SNX18: variants seen among roughly 807,000 people sequenced by gnomAD.
The protein encoded by SNX18 is sorting nexin 18, also known as sorting nexin-18.
SNX18 carries 35 observed loss-of-function variants against 48.7 expected under a neutral mutation model. The ratio of observed to expected loss-of-function variants is 0.72; its 90% CI spans 0.55 to 0.95. The LOEUF (loss-of-function observed/expected upper bound fraction) is 0.95. Among genes scored for constraint, SNX18 ranks in the 40% least tolerant of loss-of-function variants. The probability of loss-of-function intolerance (pLI) is 0.00; values close to 1 mark genes in which losing one functional copy is unlikely to be tolerated. For missense variants in SNX18, 824 were observed against 871.0 expected, an observed-to-expected ratio of 0.95 and a Z score of 0.68; for synonymous variants, 492 against 384.7, an observed-to-expected ratio of 1.28 and a Z score of -3.26.
the SNX18 span, chr5:54,645,316 A>C: frequency 1.3e-5 from 2 of 152,344 alleles, no homozygotes; most frequent in African/African-American, 4.8e-5. Context: ...TCTAGACTCC[A>C]TGGTCTAACA....
the SNX18 span, among the ~76,000 whole-genome samples, chr5:54,594,741 T>C: frequency 6.6e-6 from 1 of 152,310 alleles, no homozygotes; most frequent in South Asian, 2.1e-4. Context: ...GGGTATTACG[T>C]GATGCTAAGT....
chr5:54,596,238 T>TAGTCC, the SNX18 span, among the ~76,000 whole-genome samples: 142,964 of 152,010 alleles, frequency 0.94, 67,428 homozygotes, highest in South Asian at 0.98. Flanking sequence ...TCTTATGATG[T>TAGTCC]TATTTGAAAA....
chr5:54,543,095 C>A, intron 1 of SNX18, 84 bp from the exon 2 acceptor site: 1 of 1,360,072 alleles, frequency 7.4e-7, no homozygotes, highest in Non-Finnish European at 9.9e-7. Flanking sequence ...ATTTATAATG[C>A]CCAAGATTCT....
intron 1 of SNX18, among the ~76,000 whole-genome samples, chr5:54,524,268 GGT>G (rs1326128284): frequency 6.6e-6 from 1 of 152,106 alleles, no homozygotes; most frequent in Non-Finnish European, 1.5e-5. Flanking sequence ...CACGAAACTG[GGT>G]GTGGGCACCG....
chr5:54,622,377 T>C, the SNX18 span, among the ~76,000 whole-genome samples: 1 of 151,962 alleles, frequency 6.6e-6, no homozygotes, highest in Non-Finnish European at 1.5e-5. Context: ...CATGCACCTG[T>C]AGTCCCAGCT....
chr5:54,567,230 CGTGT>C, the SNX18 span, among the ~76,000 whole-genome samples: 1 of 149,958 alleles, frequency 6.7e-6, no homozygotes, highest in Non-Finnish European at 1.5e-5. Context: ...TGTGTGTGTG[CGTGT>C]GTGTGTGGAG....
At chr5:54,632,994 C>T in the SNX18 span, among the ~76,000 whole-genome samples, 1 of 151,948 alleles carries the variant, frequency 6.6e-6, no homozygotes, top group Non-Finnish European at 1.5e-5. Context: ...AGGATGGTCT[C>T]GATCTCTTGA....
the SNX18 span, among the ~76,000 whole-genome samples, chr5:54,603,553 A>G: frequency 1.3e-3 from 195 of 152,294 alleles, 1 homozygote; most frequent in Middle Eastern, 0.01. Flanking sequence ...GAGGAAGATG[A>G]TGTAATTTAA....
At position 54,519,264 on chromosome 5, in the gene SNX18, A is replaced by G; in HGVS notation, c.1312A>G (p.Met438Val). 1 of 1,614,078 alleles carries G rather than the reference A, an allele frequency of 6.2e-7. No homozygotes were observed. The highest frequency in any genetic ancestry group is 1.1e-5 in the South Asian group (1 of 91,078). ...CGGCTTCAAGTGCTTCACCAAGAAG[A>G]TGGACGACAGCGCGCTGCAGCTCAA... ...IDGFKCFTKK[M>V]DDSALQLNHT... Residue 438 changes from methionine to valine, a missense_variant, in exon 1 of 2, where the codon ATG (methionine) becomes GTG (valine). Physicochemically the swap from Met to Val is conservative, Grantham distance 21. This residue lies in a region of SNX18 where 443 missense variants were observed against 503.6 expected (regional missense o/e 0.88). Coordinates refer to ENST00000381410, the MANE Select transcript of SNX18 (RefSeq NM_001102575.2).
intron 1 of SNX18, among the ~76,000 whole-genome samples, chr5:54,523,878 C>G (rs1371479532): frequency 2.0e-5 from 3 of 152,234 alleles, no homozygotes; most frequent in African/African-American, 7.2e-5. Context: ...AGACCCTTCC[C>G]TGTCTGCTCC....
chr5:54,599,717 C>A, the SNX18 span, among the ~76,000 whole-genome samples: 1 of 152,030 alleles, frequency 6.6e-6, no homozygotes, highest in Non-Finnish European at 1.5e-5. Context: ...ACAAACTTGA[C>A]AAAAACAAGC....
chr5:54,604,561 A>G, the SNX18 span, among the ~76,000 whole-genome samples: 8 of 152,220 alleles, frequency 5.3e-5, no homozygotes, highest in African/African-American at 1.9e-4. Context: ...TAATTTGAAT[A>G]GGCAAATTCA....
At chr5:54,592,084 A>G in the SNX18 span, among the ~76,000 whole-genome samples, 3 of 152,218 alleles carry the variant, frequency 2.0e-5, no homozygotes, top group Non-Finnish European at 2.9e-5. Flanking sequence ...TGTGATGGCA[A>G]CATATCACTT....
chr5:54,604,743 CT>C, the SNX18 span, among the ~76,000 whole-genome samples: 1 of 152,140 alleles, frequency 6.6e-6, no homozygotes, highest in Non-Finnish European at 1.5e-5. Context: ...GAATTGTATA[CT>C]TTAAAAAATG....
the SNX18 span, among the ~76,000 whole-genome samples, chr5:54,605,172 C>CT: frequency 8.9e-3 from 1,351 of 152,202 alleles, 11 homozygotes; most frequent in African/African-American, 0.03. Context: ...TTAATAGGAA[C>CT]TCTCTGGGGG....
At chr5:54,623,148 G>C in the SNX18 span, among the ~76,000 whole-genome samples, 1 of 152,170 alleles carries the variant, frequency 6.6e-6, no homozygotes, top group Non-Finnish European at 1.5e-5. Context: ...ACTGGAGGGT[G>C]TCTAAGTTTG....
chr5:54,636,077 A>G, the SNX18 span, among the ~76,000 whole-genome samples: 1 of 152,100 alleles, frequency 6.6e-6, no homozygotes, highest in Non-Finnish European at 1.5e-5. Context: ...AGCTTAGGAG[A>G]AAGGCTTAGC....
Position 54,518,705 on chromosome 5 carries a change from C to A in SNX18, c.753C>A (p.Phe251Leu). ...TCGTGCTGGGGGAGGCGTCAGGCTT[C>A]GTGAAGGACGGGGACAAGCTGTGCG... ...EAFVLGEASG[F>L]VKDGDKLCVV... The change falls in exon 1 of 2, where the codon TTC becomes TTA. Residue 251 changes from phenylalanine to leucine, a missense_variant. Around this residue, in one of 3 missense-constraint regions of SNX18, gnomAD observed 443 missense variants for 503.6 expected, o/e 0.88. Coordinates refer to ENST00000381410, the MANE Select transcript of SNX18 (RefSeq NM_001102575.2). The A allele has an allele frequency of 6.3e-7, 1 of 1,585,294 alleles. No homozygotes were observed. Among genetic ancestry groups the A allele is most frequent in the Non-Finnish European group, 8.6e-7 (1 of 1,166,112 alleles).
At chr5:54,631,925 G>A in the SNX18 span, among the ~76,000 whole-genome samples, 1 of 152,224 alleles carries the variant, frequency 6.6e-6, no homozygotes, top group Non-Finnish European at 1.5e-5. Context: ...AATTGGGCCA[G>A]AGCAGATTAC....
Sources: allele counts gnomAD v4.1 joint callset (sites outside exome capture counted in the v4.1 genomes callset), GRCh38; gene constraint gnomAD v4.1.1; regional missense constraint gnomAD v4.1.1; transcripts MANE v1.5; gene names NCBI Gene and HGNC (gene_info 2026-07-23, HGNC 2026-07-21).